The following FBXL5 variants were observed in gnomAD, a reference collection of about 807,000 sequenced individuals.
FBXL5 encodes F-box and leucine rich repeat protein 5.
In FBXL5, 26 loss-of-function variants were observed where a neutral mutation model predicts 78.3. That is an observed-to-expected ratio of 0.33 (90% CI 0.24 to 0.46). The LOEUF is 0.46. Among genes scored for constraint, FBXL5 ranks in the 20% least tolerant of loss-of-function variants. The pLI, the probability that FBXL5 is intolerant of heterozygous loss-of-function variation, is 1.00. For synonymous variants in FBXL5, 295 were observed against 282.5 expected (o/e 1.04, Z -0.45); for missense variants, 710 against 829.2 (o/e 0.86, Z 1.77).
chr4:15,640,947 AG>A, intron 2 of FBXL5, 64 bp from the exon 3 acceptor site: 4 of 873,660 alleles, frequency 4.6e-6, no homozygotes, highest in Non-Finnish European at 5.1e-6. Context: ...GTCTGGTCCC[AG>A]GAAGTTTAAA....
chr4:15,634,101 T>C (rs528073361), intron 5 of FBXL5, among the ~76,000 whole-genome samples: 7 of 152,252 alleles, frequency 4.6e-5, no homozygotes, highest in Admixed American at 2.6e-4. Flanking sequence ...ATATTTCAAA[T>C]ATCCCCTGGA....
chr4:15,610,920 T>G (rs531354614), intron 10 of FBXL5, among the ~76,000 whole-genome samples: 1 of 152,250 alleles, frequency 6.6e-6, no homozygotes, highest in South Asian at 2.1e-4. Context: ...GCACTAAACC[T>G]ACAATAAAAT....
chr4:15,661,112 C>T (rs988257639), upstream of FBXL5, among the ~76,000 whole-genome samples: 15 of 151,970 alleles, frequency 9.9e-5, no homozygotes, highest in Admixed American at 6.6e-5. Flanking sequence ...TTTAACGAAT[C>T]ATTATTTTAT....
At position 15,627,584 on chromosome 4, in the gene FBXL5, T is replaced by TA. The variant is rs200627461; in HGVS notation, c.1041+300dup. Among the ~76,000 whole-genome samples the TA allele has an allele frequency of 1.9e-4, 29 of 152,314 alleles. No homozygotes were observed. In the East Asian group the frequency reaches 3.9e-3, roughly 20 times the overall value. ...ATCTTACCATGCCTTACATATTATTTAAAAAATCACATAAAACTGGGCTTT... is the reference window on the plus strand; with the variant it reads ...ATCTTACCATGCCTTACATATTATTTAAAAAAATCACATAAAACTGGGCTTT... On this transcript the variant is annotated intron_variant, in intron 7 of 10. Transcript: ENST00000341285.
chr4:15,647,771 T>C (rs555119471), intron 1 of FBXL5, among the ~76,000 whole-genome samples: 273 of 152,356 alleles, frequency 1.8e-3, no homozygotes, highest in African/African-American at 6.3e-3. Context: ...AAATCCATTC[T>C]ACCAGCAAGT....
intron 10 of FBXL5, among the ~76,000 whole-genome samples, chr4:15,611,841 T>A (rs1234434751): frequency 6.6e-6 from 1 of 152,110 alleles, no homozygotes; most frequent in East Asian, 1.9e-4. Flanking sequence ...AGTCCTCATT[T>A]TTCTACATTT....
chr4:15,666,255 C>G (rs942870483), intron 1 of FBXL5, among the ~76,000 whole-genome samples: 25 of 151,924 alleles, frequency 1.6e-4, no homozygotes, highest in African/African-American at 5.3e-4. Flanking sequence ...AAAAATTAGC[C>G]AGGTATGGTG....
chr4:15,680,981 C>G (rs988350066), intron 1 of FBXL5, among the ~76,000 whole-genome samples: 4 of 137,214 alleles, frequency 2.9e-5, no homozygotes, highest in African/African-American at 1.0e-4. Flanking sequence ...AAATATATAT[C>G]TCAACCACAA....
intron 2 of FBXL5, among the ~76,000 whole-genome samples, chr4:15,641,964 G>A (rs886604048): frequency 6.6e-6 from 1 of 151,850 alleles, no homozygotes; most frequent in Non-Finnish European, 1.5e-5. Context: ...GAAGAAGGAG[G>A]TTGCGGTGAG....
upstream of FBXL5, among the ~76,000 whole-genome samples, chr4:15,657,795 G>A (rs1560246042): frequency 1.3e-5 from 2 of 152,206 alleles, no homozygotes; most frequent in Non-Finnish European, 2.9e-5. Context: ...ATTGATCAGT[G>A]TAGTATCATT....
intron 8 of FBXL5, among the ~76,000 whole-genome samples, 189 bp downstream of exon 8, chr4:15,626,684 C>T (rs1713098203): frequency 6.6e-6 from 1 of 152,150 alleles, no homozygotes; most frequent in Non-Finnish European, 1.5e-5. Flanking sequence ...CAAGATAATA[C>T]AGATGGGATT....
chr4:15,618,713 G>C (rs1015763486), intron 9 of FBXL5, among the ~76,000 whole-genome samples: 1 of 151,772 alleles, frequency 6.6e-6, no homozygotes, highest in Non-Finnish European at 1.5e-5. Flanking sequence ...GTGGTGGCAC[G>C]TGCCTGTAAT....
chr4:15,630,442 G>T (rs1171668137), intron 6 of FBXL5, among the ~76,000 whole-genome samples: 1 of 151,986 alleles, frequency 6.6e-6, no homozygotes, highest in South Asian at 2.1e-4. Context: ...TCTGATTTTT[G>T]ATTTTAATAT....
At chr4:15,639,033 G>A (rs944089665) in intron 3 of FBXL5, among the ~76,000 whole-genome samples, 5 of 152,148 alleles carry the variant, frequency 3.3e-5, no homozygotes, top group Non-Finnish European at 7.4e-5. Flanking sequence ...GCGTGGTGGC[G>A]CATGCCTATA....
At chr4:15,645,782 T>C (rs1715292154) in intron 1 of FBXL5, among the ~76,000 whole-genome samples, 1 of 152,212 alleles carries the variant, frequency 6.6e-6, no homozygotes, top group South Asian at 2.1e-4. Context: ...ATAAAACATC[T>C]GTATTTCACA....
At chr4:15,651,973 G>A (rs1455227599) in intron 1 of FBXL5, among the ~76,000 whole-genome samples, 1 of 152,060 alleles carries the variant, frequency 6.6e-6, no homozygotes, top group Admixed American at 6.6e-5. Context: ...ACCCTATTTG[G>A]ATTTCCATCC....
intron 1 of FBXL5, among the ~76,000 whole-genome samples, chr4:15,652,219 T>G (rs1716163245): frequency 6.6e-6 from 1 of 152,194 alleles, no homozygotes; most frequent in Non-Finnish European, 1.5e-5. Flanking sequence ...ATCATCCCAG[T>G]CTGAAAGGTC....
chr4:15,679,563 A>AAC (rs201799158), intron 1 of FBXL5, among the ~76,000 whole-genome samples: 143 of 80,562 alleles, frequency 1.8e-3, no homozygotes, highest in Non-Finnish European at 1.1e-3. Context: ...GTTCAGGAAC[A>AAC]AAAAAAAAAA....
At chr4:15,612,716 C>T (rs923834102) in intron 9 of FBXL5, among the ~76,000 whole-genome samples, 6 of 152,018 alleles carry the variant, frequency 3.9e-5, no homozygotes, top group Non-Finnish European at 8.8e-5. Context: ...AATGTTCATT[C>T]TCCTACCCAA....
Sources: allele counts gnomAD v4.1 joint callset (sites outside exome capture counted in the v4.1 genomes callset), GRCh38; gene constraint gnomAD v4.1.1; transcripts MANE v1.5; gene names NCBI Gene and HGNC (gene_info 2026-07-23, HGNC 2026-07-21).